The following TTC29 variants were observed in gnomAD, a reference collection of about 807,000 sequenced individuals.
TTC29 encodes tetratricopeptide repeat domain 29, also known as tetratricopeptide repeat protein 29.
TTC29 carries 49 observed loss-of-function variants against 58.1 expected under a neutral mutation model. That is an observed-to-expected ratio of 0.84 (90% CI 0.67 to 1.07). The LOEUF is 1.07. Among genes scored for constraint, TTC29 ranks in the 50% least tolerant of loss-of-function variants. The pLI is 0.00. For synonymous variants in TTC29, 209 were observed against 196.8 expected (o/e 1.06, Z -0.52); for missense variants, 582 against 555.6 (o/e 1.05, Z -0.48).
At chr4:146,901,663 C>T (rs1360888859) in intron 6 of TTC29, among the ~76,000 whole-genome samples, 4 of 152,206 alleles carry the variant, frequency 2.6e-5, no homozygotes, top group Non-Finnish European at 5.9e-5. Flanking sequence ...CATCTTCCCT[C>T]TGGAACCCCT....
chr4:146,887,812 G>C (rs139021233), intron 6 of TTC29, among the ~76,000 whole-genome samples: 8 of 152,064 alleles, frequency 5.3e-5, no homozygotes, highest in African/African-American at 2.4e-5. Context: ...AATTTTTAGG[G>C]ATCATAAGCA....
chr4:146,894,030 A>T (rs75782016), intron 6 of TTC29, among the ~76,000 whole-genome samples: 42,913 of 151,932 alleles, frequency 0.28, 6,598 homozygotes, highest in South Asian at 0.41. Context: ...TCAGGAAACA[A>T]CAGGTGCTGG....
intron 7 of TTC29, among the ~76,000 whole-genome samples, chr4:146,871,790 T>C (rs1730948168): frequency 6.6e-6 from 1 of 151,990 alleles, no homozygotes; most frequent in Non-Finnish European, 1.5e-5. Context: ...CCCATATTCA[T>C]GGATTGAAAA....
At chr4:146,897,911 T>C (rs1244941245) in intron 6 of TTC29, among the ~76,000 whole-genome samples, 1 of 151,984 alleles carries the variant, frequency 6.6e-6, no homozygotes, top group Admixed American at 6.6e-5. Context: ...CCTTTGGGAG[T>C]TGGTGACTAT....
chr4:146,745,042 A>C (rs1369544286), intron 11 of TTC29, among the ~76,000 whole-genome samples: 1 of 150,854 alleles, frequency 6.6e-6, no homozygotes, highest in African/African-American at 2.4e-5. Flanking sequence ...ATAATTCTGA[A>C]CATCAACACC....
chr4:146,764,646 A>T (rs968368658), intron 11 of TTC29, among the ~76,000 whole-genome samples: 21 of 152,124 alleles, frequency 1.4e-4, no homozygotes, highest in African/African-American at 4.8e-4. Flanking sequence ...ATGTTCGAAC[A>T]TAGGTATCAT....
intron 10 of TTC29, among the ~76,000 whole-genome samples, chr4:146,812,426 C>T (rs1045388135): frequency 3.3e-5 from 5 of 152,266 alleles, no homozygotes; most frequent in African/African-American, 1.2e-4. Context: ...TTGGCAACCA[C>T]GCTGAGCCAG....
intron 11 of TTC29, among the ~76,000 whole-genome samples, chr4:146,715,732 T>C (rs1335224656): frequency 1.3e-5 from 2 of 152,162 alleles, no homozygotes; most frequent in African/African-American, 4.8e-5. Flanking sequence ...AACTATAATT[T>C]ATTGACTATT....
chr4:146,815,650 T>C (rs1751349746), intron 10 of TTC29, among the ~76,000 whole-genome samples: 1 of 152,174 alleles, frequency 6.6e-6, no homozygotes, highest in Non-Finnish European at 1.5e-5. Flanking sequence ...GCCTAAATAA[T>C]ATTCTAAAGC....
At chr4:146,818,223 A>C (rs1751560126) in intron 10 of TTC29, among the ~76,000 whole-genome samples, 1 of 152,250 alleles carries the variant, frequency 6.6e-6, no homozygotes, top group African/African-American at 2.4e-5. Context: ...CAATGAACTC[A>C]AACAAATTTA....
At chr4:146,724,251 T>A (rs1403968426) in intron 11 of TTC29, among the ~76,000 whole-genome samples, 1 of 152,184 alleles carries the variant, frequency 6.6e-6, no homozygotes, top group Non-Finnish European at 1.5e-5. Flanking sequence ...AGGCAAGGAT[T>A]GAAAATCTAG....
intron 11 of TTC29, among the ~76,000 whole-genome samples, chr4:146,738,363 A>AG (rs1056551405): frequency 1.3e-5 from 2 of 152,158 alleles, no homozygotes; most frequent in African/African-American, 4.8e-5. Flanking sequence ...AGGTATCTGA[A>AG]GGGGGGAAGC....
At chr4:146,716,544 A>T (rs1369775968) in intron 11 of TTC29, among the ~76,000 whole-genome samples, 1 of 152,178 alleles carries the variant, frequency 6.6e-6, no homozygotes, top group African/African-American at 2.4e-5. Flanking sequence ...CTGTAAACAC[A>T]TCCATCATCC....
chr4:146,808,831 A>G (rs1434991954), intron 10 of TTC29, among the ~76,000 whole-genome samples: 1 of 152,222 alleles, frequency 6.6e-6, no homozygotes, highest in African/African-American at 2.4e-5. Flanking sequence ...TACAGATCCA[A>G]TGCTATCCCC....
Position 146,747,445 on chromosome 4 carries a change from G to A in TTC29, c.1331-39894C>T, listed in dbSNP as rs548377744. Among the ~76,000 whole-genome samples the A allele has an allele frequency of 7.9e-5, 12 of 152,240 alleles. No homozygotes were observed. In the East Asian group the frequency reaches 1.9e-3, roughly 25 times the overall value. ...CCCTGCCTCTTAGGGCTAAGCTATC[G>A]CAGAACTGCTCCATTCATATCCATT... is the stretch of plus-strand genomic sequence containing the variant. On this transcript the variant is annotated intron_variant, in intron 11 of 12. Transcript: ENST00000325106.
At chr4:146,945,549 A>G (rs752030139) in intron 1 of TTC29, 160 bp downstream of exon 1, 1 of 152,438 alleles carries the variant, frequency 6.6e-6, no homozygotes, top group Non-Finnish European at 1.5e-5. Context: ...CAATTCGTTT[A>G]TTGAGGTAAG....
rs557298844 is a variant in TTC29, at chr4:146,909,686, C to T, written c.177-437G>A. 2.6e-5 allele frequency among the ~76,000 whole-genome samples: 4 copies of T among 152,244 alleles called. No individual in the cohort carries two copies. The South Asian group carries it at 8.3e-4, about 32-fold the overall frequency. On this transcript the variant is annotated intron_variant, in intron 4 of 12. Coordinates refer to ENST00000325106, the MANE Select transcript of TTC29 (RefSeq NM_031956.4). ...CTGTATGTTACAGAAGTTCATCATT[C>T]TTTCATTCATGCAGAAAATATTTAT...
At chr4:146,735,315 G>A (rs975157188) in intron 11 of TTC29, among the ~76,000 whole-genome samples, 2 of 152,118 alleles carry the variant, frequency 1.3e-5, no homozygotes, top group African/African-American at 4.8e-5. Flanking sequence ...TGAAGGAAGT[G>A]TTCTATTTTG....
chr4:146,728,816 T>TGTGTATATATAC (rs1561066484), intron 11 of TTC29, among the ~76,000 whole-genome samples: 30 of 46,092 alleles, frequency 6.5e-4, no homozygotes, highest in African/African-American at 9.2e-4. Flanking sequence ...CATATATATG[T>TGTGTATATATAC]GTATATATAC....
Sources: allele counts gnomAD v4.1 joint callset (sites outside exome capture counted in the v4.1 genomes callset), GRCh38; gene constraint gnomAD v4.1.1; transcripts MANE v1.5; gene names NCBI Gene and HGNC (gene_info 2026-07-23, HGNC 2026-07-21).